SPAM1: variants seen among roughly 807,000 people sequenced by gnomAD.
SPAM1 encodes hyaluronidase PH-20.
In SPAM1, 22 loss-of-function variants were observed where a neutral mutation model predicts 29.6. That is an observed-to-expected ratio of 0.74 (90% CI 0.53 to 1.06). The LOEUF is 1.06. Ranked by LOEUF, SPAM1 falls within the 50% of genes least tolerant of loss-of-function variation. SPAM1 has a pLI of 0.00. For synonymous variants in SPAM1, 194 were observed against 204.6 expected, an observed-to-expected ratio of 0.95 and a Z score of 0.44; for missense variants, 534 against 604.0, an observed-to-expected ratio of 0.88 and a Z score of 1.21.
At chr7:123,951,469 A>G (rs1808764225) in intron 2 of SPAM1, among the ~76,000 whole-genome samples, 1 of 152,142 alleles carries the variant, frequency 6.6e-6, no homozygotes, top group African/African-American at 2.4e-5. Context: ...TTTTGTGCCA[A>G]TTCTCTGTTC....
chr7:123,939,922 C>T (rs562108964), intron 1 of SPAM1, among the ~76,000 whole-genome samples: 2 of 152,292 alleles, frequency 1.3e-5, no homozygotes, highest in Admixed American at 1.3e-4. Flanking sequence ...TGAGATCTTT[C>T]CTCTTAGTAA....
At chr7:123,952,259 T>C (rs559982302) in intron 2 of SPAM1, among the ~76,000 whole-genome samples, 4 of 152,112 alleles carry the variant, frequency 2.6e-5, no homozygotes, top group Non-Finnish European at 5.9e-5. Context: ...GTCCTTATGA[T>C]TTTATTTTAT....
chr7:123,965,158 T>C (rs368919674), intron 5 of SPAM1, among the ~76,000 whole-genome samples: 6 of 151,730 alleles, frequency 4.0e-5, no homozygotes, highest in African/African-American at 1.5e-4. Flanking sequence ...AAGATCGGAG[T>C]GGGTGGCTTT....
chr7:123,954,138 C>G lies in SPAM1; in HGVS notation c.568C>G (p.Gln190Glu), dbSNP rs149929945. The change falls in exon 3 of 5, where the codon CAA becomes GAA. Residue 190 changes from glutamine to glutamate, a missense_variant. Physicochemically the swap from Gln to Glu is conservative, Grantham distance 29. Transcript: ENST00000682466. ...SLTEATEKAK[Q>E]EFEKAGKDFL... ...CACAGAGGCCACTGAGAAAGCAAAA[C>G]AAGAATTTGAAAAGGCAGGGAAGGA... The G allele has an allele frequency of 6.2e-7, 1 of 1,612,362 alleles. No homozygotes were observed. The highest frequency in any genetic ancestry group is 1.7e-5 in the Admixed American group (1 of 59,598).
chr7:123,929,865 A>T (rs1331727111), intron 1 of SPAM1, among the ~76,000 whole-genome samples: 5 of 151,266 alleles, frequency 3.3e-5, no homozygotes, highest in East Asian at 1.9e-4. Flanking sequence ...AGGGAAAAAG[A>T]ATTTAAAGAA....
At chr7:123,953,139 C>G (rs1396883392) in intron 2 of SPAM1, among the ~76,000 whole-genome samples, 1 of 152,022 alleles carries the variant, frequency 6.6e-6, no homozygotes, top group Non-Finnish European at 1.5e-5. Context: ...ACATTCTCCT[C>G]TCTGTAGGCC....
chr7:123,962,711 T>C (rs532980509), downstream of SPAM1, among the ~76,000 whole-genome samples: 17 of 152,014 alleles, frequency 1.1e-4, no homozygotes, highest in African/African-American at 4.1e-4. Flanking sequence ...ATAAAGTCAT[T>C]GCTGCTCATT....
Position 123,955,081 on chromosome 7 carries a change from A to G in SPAM1, c.1039A>G (p.Ser347Gly), listed in dbSNP as rs1792220601. The change falls in exon 4 of 5, where the codon AGT (serine) becomes GGT (glycine). Residue 347 changes from serine (S) to glycine (G), a missense_variant. Transcript: ENST00000682466. ...ATGGGGAACCCTCAGTATAATGCGAAGTATGGTAAGTTGAATTGGTAGAAA... is the reference window on the plus strand; with the variant it reads ...ATGGGGAACCCTCAGTATAATGCGAGGTATGGTAAGTTGAATTGGTAGAAA... ...VIWGTLSIMR[S>G]MKSCLLLDNY... 6.2e-7 allele frequency: 1 copy of G among 1,601,268 alleles called. No homozygotes were observed. Among genetic ancestry groups the G allele is most frequent in the East Asian group, 2.2e-5 (1 of 44,716 alleles).
intron 5 of SPAM1, among the ~76,000 whole-genome samples, chr7:123,965,716 A>G (rs565970880): frequency 6.6e-6 from 1 of 152,152 alleles, no homozygotes; most frequent in Admixed American, 6.6e-5. Context: ...CTTGTTGTAT[A>G]GTTTGAAATC....
At chr7:123,940,336 G>A (rs1486135235) in intron 1 of SPAM1, among the ~76,000 whole-genome samples, 1 of 151,918 alleles carries the variant, frequency 6.6e-6, no homozygotes, top group African/African-American at 2.4e-5. Flanking sequence ...TGTATTATAT[G>A]CATTCTTTAA....
chr7:123,942,936 A>G (rs1808473246), intron 1 of SPAM1, among the ~76,000 whole-genome samples: 1 of 152,220 alleles, frequency 6.6e-6, no homozygotes, highest in South Asian at 2.1e-4. Context: ...TATTACACTT[A>G]TGCAAATAAC....
At chr7:123,962,493 C>G (rs1002609862), downstream of SPAM1, among the ~76,000 whole-genome samples, 4 of 151,844 alleles carry the variant, frequency 2.6e-5, no homozygotes, top group Non-Finnish European at 5.9e-5. Flanking sequence ...TTTTCCTTTG[C>G]CATGCAGAAG....
At chr7:123,937,525 C>T (rs936528135) in intron 1 of SPAM1, among the ~76,000 whole-genome samples, 14 of 142,686 alleles carry the variant, frequency 9.8e-5, no homozygotes, top group South Asian at 7.1e-4. Context: ...GGATTGAACC[C>T]GGGAGGCGGA....
intron 2 of SPAM1, among the ~76,000 whole-genome samples, chr7:123,951,749 G>A (rs529402353): frequency 6.6e-6 from 1 of 152,196 alleles, no homozygotes; most frequent in South Asian, 2.1e-4. Flanking sequence ...AGGCTCCTGA[G>A]TAGCTGGGAT....
chr7:123,958,385 G>C (rs147481603), intron 4 of SPAM1, among the ~76,000 whole-genome samples: 1 of 151,970 alleles, frequency 6.6e-6, no homozygotes, highest in African/African-American at 2.4e-5. Context: ...GTTAGTCATC[G>C]CTCATACTCT....
chr7:123,962,255 T>C (rs1318584474), downstream of SPAM1, among the ~76,000 whole-genome samples: 1 of 151,968 alleles, frequency 6.6e-6, no homozygotes, highest in African/African-American at 2.4e-5. Context: ...TGATTTGCGT[T>C]TCCCTGATGA....
intron 1 of SPAM1, among the ~76,000 whole-genome samples, chr7:123,926,421 G>T (rs1292306154): frequency 6.6e-6 from 1 of 152,140 alleles, no homozygotes; most frequent in Non-Finnish European, 1.5e-5. Flanking sequence ...AATTGATTGA[G>T]ACCTGTCTCT....
rs201528645 is a variant in SPAM1, at chr7:123,959,922, A to G, written c.1483A>G (p.Ile495Val). The change falls in exon 5 of 5, where the codon ATT (isoleucine) becomes GTT (valine). Residue 495 changes from isoleucine to valine, a missense_variant. Ile to Val is a conservative substitution (Grantham distance 29). Coordinates refer to ENST00000682466, the MANE Select transcript of SPAM1 (RefSeq NM_153189.3). ...CTCCACACTATCTGCCACAATGTTC[A>G]TTGTTAGTATTTTGTTTCTTATCAT... ...SPSTLSATMF[I>V]VSILFLIISS... 3.4e-5 allele frequency: 55 copies of G among 1,611,138 alleles called. No homozygotes were observed. In the African/African-American group the frequency reaches 7.1e-4, roughly 21 times the overall value.
At chr7:123,968,067 T>C (rs368466860) in intron 5 of SPAM1, among the ~76,000 whole-genome samples, 2 of 151,962 alleles carry the variant, frequency 1.3e-5, no homozygotes, top group Non-Finnish European at 2.9e-5. Flanking sequence ...AATTGGGGCT[T>C]AGCCTAGGAA....
Sources: allele counts gnomAD v4.1 joint callset (sites outside exome capture counted in the v4.1 genomes callset), GRCh38; gene constraint gnomAD v4.1.1; transcripts MANE v1.5; gene names NCBI Gene and HGNC (gene_info 2026-07-23, HGNC 2026-07-21).